PCDHGB3: variants seen among roughly 807,000 people sequenced by gnomAD.
PCDHGB3 encodes the protein protocadherin gamma-B3.
A neutral mutation model predicts 59.2 loss-of-function variants in PCDHGB3; 40 were observed. That is an observed-to-expected ratio of 0.68 (90% CI 0.52 to 0.88). The LOEUF is 0.88. Among genes scored for constraint, PCDHGB3 ranks in the 40% least tolerant of loss-of-function variants. PCDHGB3 has a pLI of 0.00. For synonymous variants in PCDHGB3, 581 were observed against 503.6 expected, an observed-to-expected ratio of 1.15 and a Z score of -2.06; for missense variants, 1,309 against 1,187.9, an observed-to-expected ratio of 1.10 and a Z score of -1.50.
intron 1 of PCDHGB3, chr5:141,374,740 C>A (rs1337639511): frequency 6.2e-7 from 1 of 1,611,592 alleles, no homozygotes; most frequent in Admixed American, 1.7e-5. Context: ...ATGGCGGCGA[C>A]CCTGTCCGCT....
intron 1 of PCDHGB3, chr5:141,478,531 C>T (rs771145308): frequency 1.9e-6 from 3 of 1,608,190 alleles, no homozygotes; most frequent in Non-Finnish European, 2.5e-6. Flanking sequence ...GTGCAGAGAG[C>T]GCCCCTCCCG....
rs545232987 is a variant in PCDHGB3 at position 141,484,750 on chromosome 5, G to GTA, written c.2416-10043_2416-10042dup. 2.3e-3 allele frequency among the ~76,000 whole-genome samples: 340 copies of GTA among 149,860 alleles called. 1 individual carries two copies. Among genetic ancestry groups the GTA allele is most frequent in the South Asian group, 1.0e-2 (47 of 4,704 alleles). On this transcript the variant is annotated intron_variant, in intron 1 of 3. Coordinates refer to ENST00000576222, the MANE Select transcript of PCDHGB3 (RefSeq NM_018924.5). ...CAGTCGGTGTGTTAGGAAAAAAAAT[G>GTA]TATATATATATATATGTTGTCTGCC...
intron 1 of PCDHGB3, among the ~76,000 whole-genome samples, chr5:141,382,170 C>T (rs1056617010): frequency 1.3e-5 from 2 of 151,888 alleles, no homozygotes; most frequent in Non-Finnish European, 2.9e-5. Context: ...GGTGTTAGAC[C>T]GTCTCTAAGG....
intron 1 of PCDHGB3, chr5:141,424,031 T>G (rs2096796228): frequency 1.9e-6 from 2 of 1,036,050 alleles, no homozygotes; most frequent in African/African-American, 3.4e-5. Flanking sequence ...AAACACTTTT[T>G]ATTTCCATTT....
chr5:141,399,751 G>A (rs564705346), intron 1 of PCDHGB3: 3 of 1,613,322 alleles, frequency 1.9e-6, no homozygotes, highest in Admixed American at 3.3e-5. Context: ...CAGCGCAAAC[G>A]TGAGCCTGCG....
chr5:141,481,619 A>T (rs1303171847), intron 1 of PCDHGB3, among the ~76,000 whole-genome samples: 1 of 152,128 alleles, frequency 6.6e-6, no homozygotes, highest in Non-Finnish European at 1.5e-5. Flanking sequence ...GGAGTTCAAG[A>T]CCGGCCTGGC....
rs142329128 is a variant in PCDHGB3, at chr5:141,439,495, C to T, written c.2416-55312C>T. Among the ~76,000 whole-genome samples the T allele has an allele frequency of 9.7e-4, 147 of 152,324 alleles. 1 individual carries two copies. The highest frequency in any genetic ancestry group is 3.4e-3 in the African/African-American group (140 of 41,568). ...TCAGCTTGCAAATTCCAGTGAGAAACGTCTTTCTCTCTGCTCTCAACTAAC... is the reference window on the plus strand; with the variant it reads ...TCAGCTTGCAAATTCCAGTGAGAAATGTCTTTCTCTCTGCTCTCAACTAAC... On this transcript the variant is annotated intron_variant, in intron 1 of 3. Coordinates refer to ENST00000576222, the MANE Select transcript of PCDHGB3 (RefSeq NM_018924.5).
chr5:141,500,894 C>G (rs1221911920), intron 2 of PCDHGB3, among the ~76,000 whole-genome samples: 1 of 150,982 alleles, frequency 6.6e-6, no homozygotes, highest in African/African-American at 2.4e-5. Flanking sequence ...TTTTTTGAGA[C>G]AGTCTCGCTC....
chr5:141,416,828 C>T (rs1014962852), intron 1 of PCDHGB3: 2 of 152,042 alleles, frequency 1.3e-5, no homozygotes, highest in African/African-American at 4.8e-5. Context: ...CGAAGTTTCT[C>T]AAGACCCTTA....
At chr5:141,452,003 T>C (rs1031228207) in intron 1 of PCDHGB3, among the ~76,000 whole-genome samples, 2 of 152,210 alleles carry the variant, frequency 1.3e-5, no homozygotes, top group Non-Finnish European at 2.9e-5. Context: ...CAAAATCACT[T>C]GGTCCAGCCC....
Position 141,373,903 on chromosome 5 carries a change from CCAA to C in PCDHGB3, c.2415+1101_2415+1103del, listed in dbSNP as rs1423150628. 3 of 586,252 alleles carry C rather than the reference CCAA, an allele frequency of 5.1e-6. No individual in the cohort carries two copies. In the African/African-American group the frequency reaches 5.7e-5, roughly 11 times the overall value. 36.3% of individuals were successfully genotyped at this position (586,252 alleles called of 1,614,324 possible). The stretch of plus-strand genomic sequence containing the variant: ...TCAACGGAAACTCAAGTTACATCCT[CCAA>C]CAACAAAGCAAATTAGACGGGAAAG... On this transcript the variant is annotated intron_variant, in intron 1 of 3. Coordinates refer to ENST00000576222, the MANE Select transcript of PCDHGB3 (RefSeq NM_018924.5).
Position 141,371,150 on chromosome 5 carries a change from A to G in PCDHGB3, c.756A>G (p.Ala252=). The G allele has an allele frequency of 1.2e-6, 2 of 1,614,018 alleles. No homozygotes were observed. The highest frequency in any genetic ancestry group is 1.7e-6 in the Non-Finnish European group (2 of 1,179,908). ...AGGACATGTACAGGGTCAATGTTGCAGAGAACCTGCCCGCTGGCTCCTCCG... is the reference window on the plus strand; with the variant it reads ...AGGACATGTACAGGGTCAATGTTGCGGAGAACCTGCCCGCTGGCTCCTCCG... ...FTQDMYRVNV[A]ENLPAGSSVL... Residue 252 remains alanine, a synonymous_variant, in exon 1 of 4, where the codon GCA becomes GCG. Coordinates refer to ENST00000576222, the MANE Select transcript of PCDHGB3 (RefSeq NM_018924.5).
chr5:141,428,387 G>A, intron 1 of PCDHGB3: 1 of 505,948 alleles, frequency 2.0e-6, no homozygotes, highest in South Asian at 2.0e-5. Context: ...TGCTCTTCCA[G>A]CCCCTCTGCC....
In PCDHGB3 at chr5:141,511,330, T is replaced by C; in HGVS notation, c.*157T>C. 1 of 1,455,994 alleles carries C rather than the reference T, an allele frequency of 6.9e-7. No homozygotes were observed. The highest frequency in any genetic ancestry group is 9.1e-7 in the Non-Finnish European group (1 of 1,093,254). 90.2% of individuals were successfully genotyped at this position (1,455,994 alleles called of 1,614,324 possible). ...TTGGGAAACAGAAACAAGTGCCCAG[T>C]CAGCACCTACCCCTTCCCCCCCAGG... On this transcript the variant is annotated 3_prime_UTR_variant, in exon 4 of 4. Coordinates refer to ENST00000576222, the MANE Select transcript of PCDHGB3 (RefSeq NM_018924.5).
chr5:141,384,164 T>C, intron 1 of PCDHGB3: 1 of 1,613,724 alleles, frequency 6.2e-7, no homozygotes, highest in Non-Finnish European at 8.5e-7. Flanking sequence ...AACATCACAC[T>C]GAAAGCCACA....
intron 1 of PCDHGB3, chr5:141,405,487 T>G (rs750718741): frequency 4.3e-6 from 4 of 924,990 alleles, no homozygotes; most frequent in Non-Finnish European, 6.4e-6. Context: ...TGGTGTGATC[T>G]CGGCTCATTG....
Position 141,376,575 on chromosome 5 carries a change from C to T in PCDHGB3, c.2415+3766C>T, listed in dbSNP as rs149813666. ...CCCGCAACCCAACTAATCAGACAGG[C>T]TCATCAGCTAGATCGGCTGTTATAG... On this transcript the variant is annotated intron_variant, in intron 1 of 3. Transcript: ENST00000576222. 4.5e-5 allele frequency: 72 copies of T among 1,597,700 alleles called. No individual in the cohort carries two copies. The East Asian group carries it at 1.4e-3, about 32-fold the overall frequency.
At chr5:141,494,064 G>T (rs1233070772) in intron 1 of PCDHGB3, among the ~76,000 whole-genome samples, 2 of 152,160 alleles carry the variant, frequency 1.3e-5, no homozygotes, top group South Asian at 2.1e-4. Flanking sequence ...TGTGGGAGCT[G>T]GATCCCTCCC....
At chr5:141,462,314 A>C (rs1283684392) in intron 1 of PCDHGB3, among the ~76,000 whole-genome samples, 1 of 152,186 alleles carries the variant, frequency 6.6e-6, no homozygotes, top group Non-Finnish European at 1.5e-5. Flanking sequence ...TATATTTGTC[A>C]CTGATTTCTA....
Sources: gnomAD v4.1 joint callset for allele counts (sites outside exome capture counted in the v4.1 genomes callset) on GRCh38, gnomAD v4.1.1 for gene constraint, MANE v1.5 for transcripts, NCBI Gene and HGNC (gene_info 2026-07-23, HGNC 2026-07-21) for gene names.